Variants in BCL2L11 observed in about 807,000 individuals in gnomAD.
BCL2L11 encodes the protein BCL2 like 11.
BCL2L11 carries 15 observed loss-of-function variants against 20.6 expected under a neutral mutation model. The ratio of observed to expected loss-of-function variants is 0.73; its 90% CI spans 0.49 to 1.12. BCL2L11 has a LOEUF of 1.12. Ranked by LOEUF, BCL2L11 falls within the 50% of genes most tolerant of loss-of-function variation. The pLI is 0.00. For missense variants in BCL2L11, 292 were observed against 260.9 expected (o/e 1.12, Z -0.82); for synonymous variants, 108 against 92.8 (o/e 1.16, Z -0.94).
rs186033228 is a variant in BCL2L11, at chr2:111,153,387, T to C, written c.498+3240T>C. Among the ~76,000 whole-genome samples the C allele has an allele frequency of 6.0e-3, 909 of 151,766 alleles. 3 individuals are homozygous for C. Among genetic ancestry groups the C allele is most frequent in the Admixed American group, 7.6e-3 (116 of 15,236 alleles). On this transcript the variant is annotated intron_variant, in intron 3 of 3. Transcript: ENST00000393256. The stretch of plus-strand genomic sequence containing the variant: ...GCGAAACTCCATCTAAAAAAAAAAA[T>C]AGTTCAAAACACTGGATGATGCTGT...
rs2070980057 is a variant in BCL2L11 at position 111,121,700 on chromosome 2, C to A, written c.-14+512C>A. On this transcript the variant is annotated intron_variant, in intron 1 of 3. Transcript: ENST00000393256. ...CGGTGGTGATTTAACTGACGAGACA[C>A]GGCTTTTCCTTTTACTCATTCAGGC... is the stretch of plus-strand genomic sequence containing the variant. Among the ~76,000 whole-genome samples, 5 of 152,346 alleles carry A rather than the reference C, an allele frequency of 3.3e-5. No homozygotes were observed. The Middle Eastern group carries it at 0.01, about 311-fold the overall frequency.
At chr2:111,142,449 A>T in intron 2 of BCL2L11, 1 of 1,336,924 alleles carries the variant, frequency 7.5e-7, no homozygotes, top group Admixed American at 2.0e-5. Context: ...GCCTTTTGTG[A>T]CTTTTAAGTG....
chr2:111,155,278 G>C (rs1196150421), intron 3 of BCL2L11, among the ~76,000 whole-genome samples: 1 of 152,214 alleles, frequency 6.6e-6, no homozygotes, highest in African/African-American at 2.4e-5. Context: ...TCTCTTCCTG[G>C]TGAGTGTGTC....
chr2:111,122,882 G>A (rs960017666), intron 1 of BCL2L11: 3 of 985,382 alleles, frequency 3.0e-6, no homozygotes, highest in Admixed American at 6.1e-5. Context: ...GCGGGGCTTG[G>A]TCCCTGGCCC....
At position 111,123,805 on chromosome 2, in the gene BCL2L11, G is replaced by C. The variant is rs2071816472; in HGVS notation, c.60G>C (p.Gln20His). 6.7e-7 allele frequency: 1 copy of C among 1,486,220 alleles called. No homozygotes were observed. Among genetic ancestry groups the C allele is most frequent in the African/African-American group, 1.4e-5 (1 of 70,678 alleles). The allele number at this position is 1,486,220 out of a possible 1,614,324, so 92.1% of individuals were successfully genotyped here. Residue 20 changes from glutamine (Q) to histidine (H), a missense_variant, in exon 2 of 4, where the codon CAG becomes CAC. Transcript: ENST00000393256. ...SECDREGRQLQPAERPPQLRP... is the reference protein window; with the variant it reads ...SECDREGRQLHPAERPPQLRP... ...GTGACCGAGAAGGTAGACAATTGCA[G>C]CCTGCGGAGAGGCCTCCCCAGCTCA...
In BCL2L11 at chr2:111,120,967, CGCCGCT is replaced by C. The variant is rs1227503758; in HGVS notation, c.-223_-218del. On this transcript the variant is annotated 5_prime_UTR_variant, in exon 1 of 4. Coordinates refer to ENST00000393256, the MANE Select transcript of BCL2L11 (RefSeq NM_138621.5). The stretch of plus-strand genomic sequence containing the variant: ...CAGTTTGTTGGAGCTCTGCGTCCAG[CGCCGCT>C]GCCGCTGCCGCCGCCGCCGCCGCCG... The C allele has an allele frequency of 4.0e-5, 15 of 378,580 alleles. No individual in the cohort carries two copies. The highest frequency in any genetic ancestry group is 1.1e-4 in the East Asian group (2 of 18,612). The allele number at this position is 378,580 out of a possible 1,614,324, so 23.5% of individuals were successfully genotyped here. A position where few individuals can be genotyped will look rare whatever the true frequency, so the allele number is the denominator to read the frequency against.
intron 3 of BCL2L11, chr2:111,153,980 G>C: frequency 7.1e-7 from 1 of 1,403,132 alleles, no homozygotes; most frequent in Non-Finnish European, 9.3e-7. Flanking sequence ...CTGCCGGGCT[G>C]AACGGCCTGG....
chr2:111,136,067 T>C (rs1232933183), intron 2 of BCL2L11, among the ~76,000 whole-genome samples: 1 of 152,182 alleles, frequency 6.6e-6, no homozygotes, highest in East Asian at 1.9e-4. Flanking sequence ...CGCGGTGCTG[T>C]GGGGCTGCTG....
chr2:111,159,760 C>T (rs1371857621), intron 3 of BCL2L11, among the ~76,000 whole-genome samples: 1 of 152,342 alleles, frequency 6.6e-6, no homozygotes, highest in East Asian at 1.9e-4. Flanking sequence ...GCAGCTCCAG[C>T]CCCTGGCAAG....
chr2:111,166,549 G>A lies in BCL2L11; in HGVS notation c.*2318G>A, dbSNP rs1048428526. On this transcript the variant is annotated 3_prime_UTR_variant, in exon 4 of 4. Transcript: ENST00000393256. ...GAAAGTATGCCTCCCGTGGGTATACGTTTTTACCTTTTTTAAAAAACATTT... is the reference window on the plus strand; with the variant it reads ...GAAAGTATGCCTCCCGTGGGTATACATTTTTACCTTTTTTAAAAAACATTT... 6.6e-6 allele frequency: 1 copy of A among 152,612 alleles called. No individual in the cohort carries two copies. Among genetic ancestry groups the A allele is most frequent in the Non-Finnish European group, 1.5e-5 (1 of 68,028 alleles). The allele number at this position is 152,612 out of a possible 1,614,324, so 9.5% of individuals were successfully genotyped here. A position where few individuals can be genotyped will look rare whatever the true frequency, so the allele number is the denominator to read the frequency against.
chr2:111,164,032 G>A, intron 3 of BCL2L11, 101 bp from the exon 4 acceptor site: 1 of 764,118 alleles, frequency 1.3e-6, no homozygotes, highest in Non-Finnish European at 2.3e-6. Context: ...GCCTTTCATG[G>A]TGATTAAGAT....
chr2:111,150,185 C>G, intron 3 of BCL2L11, 38 bp downstream of exon 3: 1 of 1,602,582 alleles, frequency 6.2e-7, no homozygotes, highest in East Asian at 2.3e-5. Flanking sequence ...CTGCTCACAC[C>G]CTCCCCTTCC....
intron 3 of BCL2L11, among the ~76,000 whole-genome samples, chr2:111,155,049 G>T (rs2077662883): frequency 6.6e-6 from 1 of 152,222 alleles, no homozygotes; most frequent in Non-Finnish European, 1.5e-5. Flanking sequence ...TCCTATGCAG[G>T]TCTGCTGTGC....
intron 3 of BCL2L11, chr2:111,161,457 G>A (rs1405766866): frequency 7.7e-6 from 12 of 1,550,454 alleles, no homozygotes; most frequent in East Asian, 7.3e-5. Context: ...TGTAGCAGAC[G>A]CAGACTTATT....
intron 2 of BCL2L11, 129 bp downstream of exon 2, chr2:111,124,268 A>AGGATG: frequency 9.3e-7 from 1 of 1,071,162 alleles, no homozygotes; most frequent in Non-Finnish European, 1.3e-6. Context: ...ATGGGAATGG[A>AGGATG]GGATGTGTCA....
intron 2 of BCL2L11, among the ~76,000 whole-genome samples, chr2:111,136,186 A>C (rs1475732383): frequency 6.6e-6 from 1 of 152,098 alleles, no homozygotes; most frequent in Non-Finnish European, 1.5e-5. Flanking sequence ...GGCGATGGAG[A>C]ACAGGCCTCC....
At chr2:111,157,429 T>C (rs1057336717) in intron 3 of BCL2L11, among the ~76,000 whole-genome samples, 9 of 152,242 alleles carry the variant, frequency 5.9e-5, no homozygotes, top group African/African-American at 2.2e-4. Context: ...CACTTAGCTT[T>C]TTTCTGAGGC....
At chr2:111,137,768 C>CT (rs955593682) in intron 2 of BCL2L11, among the ~76,000 whole-genome samples, 2 of 151,574 alleles carry the variant, frequency 1.3e-5, no homozygotes, top group African/African-American at 2.4e-5. Flanking sequence ...TTATTCTGCC[C>CT]TTTTTTTGGC....
At chr2:111,152,345 C>T (rs1041821721) in intron 3 of BCL2L11, among the ~76,000 whole-genome samples, 1 of 152,210 alleles carries the variant, frequency 6.6e-6, no homozygotes, top group Non-Finnish European at 1.5e-5. Flanking sequence ...ACAGTGTCTC[C>T]CTGCTGCCAA....
Sources: gnomAD v4.1 joint callset for allele counts (sites outside exome capture counted in the v4.1 genomes callset) on GRCh38, gnomAD v4.1.1 for gene constraint, MANE v1.5 for transcripts, NCBI Gene and HGNC (gene_info 2026-07-23, HGNC 2026-07-21) for gene names.